Variants in DGLUCY observed in about 807,000 individuals in gnomAD.
DGLUCY encodes the protein D-glutamate cyclase, mitochondrial.
DGLUCY carries 58 observed loss-of-function variants against 58.5 expected under a neutral mutation model. The ratio of observed to expected loss-of-function variants is 0.99; its 90% CI spans 0.80 to 1.23. The LOEUF is 1.23. Ranked by LOEUF, DGLUCY falls within the 50% of genes most tolerant of loss-of-function variation. DGLUCY has a pLI of 0.00. For missense variants in DGLUCY, 779 were observed against 784.7 expected, an observed-to-expected ratio of 0.99 and a Z score of 0.09; for synonymous variants, 325 against 314.1, an observed-to-expected ratio of 1.03 and a Z score of -0.37.
chr14:91,081,744 T>C (rs2044130884), intron 1 of DGLUCY, among the ~76,000 whole-genome samples: 1 of 152,028 alleles, frequency 6.6e-6, no homozygotes, highest in Non-Finnish European at 1.5e-5. Flanking sequence ...TTTTATTTAT[T>C]TATTATTATT....
chr14:91,220,584 C>T (rs1037707808), intron 13 of DGLUCY: 18 of 456,216 alleles, frequency 3.9e-5, no homozygotes, highest in Non-Finnish European at 7.0e-5. Flanking sequence ...TGCCATGTGG[C>T]GTCATGTGGG....
rs191655582 is a variant in DGLUCY, at chr14:91,124,766, G to A, written c.-82+10483G>A. ...GAGACTTTCCTTCCCATCTAATTAG[G>A]AATAAATAGTAACTTCTCTTAGAAG... is the stretch of plus-strand genomic sequence containing the variant. On this transcript the variant is annotated intron_variant, in intron 1 of 13. Transcript: ENST00000256324. Among the ~76,000 whole-genome samples, 44 of 152,254 alleles carry A rather than the reference G, an allele frequency of 2.9e-4. 1 individual carries two copies. The Middle Eastern group carries it at 0.01, about 35-fold the overall frequency.
intron 11 of DGLUCY, among the ~76,000 whole-genome samples, chr14:91,200,724 T>C (rs544299156): frequency 6.6e-6 from 1 of 152,228 alleles, no homozygotes; most frequent in African/African-American, 2.4e-5. Context: ...CTACAGGGTG[T>C]GCTACCATGC....
intron 1 of DGLUCY, among the ~76,000 whole-genome samples, chr14:91,094,434 CCA>C (rs755108517): frequency 7.0e-6 from 1 of 142,434 alleles, no homozygotes; most frequent in African/African-American, 2.6e-5. Flanking sequence ...GACTCTGTCC[CCA>C]AAAAAAAAAA....
rs1473597445 is a variant in DGLUCY, at chr14:91,169,405, T to C, written c.258-598T>C. Among the ~76,000 whole-genome samples, 3 of 150,966 alleles carry C rather than the reference T, an allele frequency of 2.0e-5. No individual in the cohort carries two copies. In the East Asian group the frequency reaches 5.8e-4, roughly 29 times the overall value. ...AGGCCACCATTTACTTTTCTTCTTC[T>C]TCTTTTTTTTTTTTTTTCTTTGAGG... On this transcript the variant is annotated intron_variant, in intron 4 of 13. Transcript: ENST00000256324.
At chr14:91,190,572 G>T (rs1195166528) in intron 9 of DGLUCY, among the ~76,000 whole-genome samples, 1 of 152,058 alleles carries the variant, frequency 6.6e-6, no homozygotes, top group Non-Finnish European at 1.5e-5. Flanking sequence ...TTGATGATGA[G>T]GGCGTGAGGC....
chr14:91,070,810 A>G (rs1283825399), intron 1 of DGLUCY, among the ~76,000 whole-genome samples: 3 of 152,228 alleles, frequency 2.0e-5, no homozygotes, highest in South Asian at 2.1e-4. Context: ...AAATGAAACA[A>G]TAGAATAATG....
intron 1 of DGLUCY, among the ~76,000 whole-genome samples, chr14:91,142,861 A>G (rs1468731625): frequency 6.0e-5 from 9 of 149,322 alleles, no homozygotes; most frequent in Admixed American, 6.0e-4. Context: ...ACACACACAC[A>G]CACACACACA....
At chr14:91,199,979 G>A in intron 11 of DGLUCY, 74 bp downstream of exon 11, 3 of 1,579,048 alleles carry the variant, frequency 1.9e-6, no homozygotes, top group Middle Eastern at 1.7e-4. Flanking sequence ...TGTTGTTATG[G>A]AGTCTTGCTC....
At chr14:91,172,202 C>A (rs1327578871) in intron 5 of DGLUCY, among the ~76,000 whole-genome samples, 2 of 152,168 alleles carry the variant, frequency 1.3e-5, no homozygotes, top group Non-Finnish European at 2.9e-5. Flanking sequence ...TCCCGAGTAG[C>A]TGGGACCATA....
chr14:91,121,505 A>T (rs1208454917), intron 1 of DGLUCY, among the ~76,000 whole-genome samples: 2 of 152,104 alleles, frequency 1.3e-5, no homozygotes, highest in Non-Finnish European at 2.9e-5. Context: ...CCTGGCCAAC[A>T]TGGTGAAACC....
chr14:91,123,617 CACTT>C (rs2045515900), intron 1 of DGLUCY, among the ~76,000 whole-genome samples: 1 of 152,134 alleles, frequency 6.6e-6, no homozygotes. Flanking sequence ...GACAGGGTCT[CACTT>C]TGTCCCTCAG....
intron 1 of DGLUCY, among the ~76,000 whole-genome samples, chr14:91,126,228 A>G (rs933593866): frequency 6.6e-6 from 1 of 152,166 alleles, no homozygotes; most frequent in African/African-American, 2.4e-5. Context: ...ACGTCAATGT[A>G]TTAGGGGGAC....
chr14:91,181,663 C>A (rs1019461474), intron 8 of DGLUCY, among the ~76,000 whole-genome samples: 3 of 147,480 alleles, frequency 2.0e-5, no homozygotes, highest in Non-Finnish European at 4.5e-5. Flanking sequence ...TGTTTTCTTT[C>A]TTTTCTTTCT....
intron 1 of DGLUCY, among the ~76,000 whole-genome samples, chr14:91,118,704 C>T (rs2045158203): frequency 1.3e-5 from 2 of 152,186 alleles, no homozygotes; most frequent in East Asian, 1.9e-4. Flanking sequence ...CCATTCACCT[C>T]CCATCATGGC....
intron 1 of DGLUCY, among the ~76,000 whole-genome samples, chr14:91,067,126 T>C (rs1161456241): frequency 6.9e-6 from 1 of 145,310 alleles, no homozygotes; most frequent in Admixed American, 6.8e-5. Context: ...GTTGAGTAGA[T>C]TGAGGAAGAA....
chr14:91,152,911 T>G (rs2047404214), intron 1 of DGLUCY, among the ~76,000 whole-genome samples: 1 of 152,206 alleles, frequency 6.6e-6, no homozygotes, highest in Non-Finnish European at 1.5e-5. Context: ...CTAAATATGA[T>G]GCTACATGAA....
intron 1 of DGLUCY, among the ~76,000 whole-genome samples, chr14:91,153,004 G>A (rs1019910548): frequency 1.3e-5 from 2 of 152,174 alleles, no homozygotes; most frequent in African/African-American, 4.8e-5. Flanking sequence ...CCTGGGTTAT[G>A]AAGTTCAGTG....
chr14:91,224,752 G>GGAGGTGGAT lies in DGLUCY; in HGVS notation c.1787_1795dup (p.Glu596_Asp598dup), dbSNP rs1887984164. The GGAGGTGGAT allele has an allele frequency of 6.2e-7, 1 of 1,613,868 alleles. No individual in the cohort carries two copies. ...GTGGCGTCTCGGGCATCGTGGGCAT[G>GGAGGTGGAT]GAGGTGGATGGGCTGCCCTTCCACA... On this transcript the variant is annotated inframe_insertion, in exon 14 of 14. Coordinates refer to ENST00000256324, the MANE Select transcript of DGLUCY (RefSeq NM_001102368.3).
Sources: gnomAD v4.1 joint callset for allele counts (sites outside exome capture counted in the v4.1 genomes callset) on GRCh38, gnomAD v4.1.1 for gene constraint, MANE v1.5 for transcripts, NCBI Gene and HGNC (gene_info 2026-07-23, HGNC 2026-07-21) for gene names.